The following CYP51A1 variants were observed in gnomAD, a reference collection of about 807,000 sequenced individuals.
The protein encoded by CYP51A1 is lanosterol 14-alpha demethylase.
CYP51A1 carries 45 observed loss-of-function variants against 53.5 expected under a neutral mutation model. That is an observed-to-expected ratio of 0.84 (90% CI 0.66 to 1.08). The LOEUF is 1.08. Ranked by LOEUF, CYP51A1 falls within the 50% of genes least tolerant of loss-of-function variation. The pLI, the probability that CYP51A1 is intolerant of heterozygous loss-of-function variation, is 0.00. For synonymous variants in CYP51A1, 181 were observed against 217.7 expected (o/e 0.83, Z 1.48); for missense variants, 462 against 621.7 (o/e 0.74, Z 2.73).
intron 5 of CYP51A1, among the ~76,000 whole-genome samples, chr7:92,125,267 AT>A (rs1325672517): frequency 3.3e-5 from 5 of 152,146 alleles, no homozygotes; most frequent in Non-Finnish European, 7.4e-5. Context: ...CTCCTTGCAA[AT>A]ATAAGGTATG....
chr7:92,113,970 C>A, intron 9 of CYP51A1, 127 bp from the exon 10 acceptor site: 1 of 597,204 alleles, frequency 1.7e-6, no homozygotes, highest in Non-Finnish European at 2.8e-6. Context: ...AGATGACATT[C>A]TTTTCACATA....
chr7:92,118,552 T>G lies in CYP51A1; in HGVS notation c.1150A>C (p.Met384Leu), dbSNP rs1285150928. The G allele has an allele frequency of 1.9e-6, 3 of 1,597,588 alleles. No individual in the cohort carries two copies. The highest frequency in any genetic ancestry group is 2.6e-6 in the Non-Finnish European group (3 of 1,166,084). ...KETLRLRPPI[M>L]IMMRMARTPQ... ...GTTCTGGCCATTCTCATCATGATCA[T>G]TATAGGAGGTCTAAGTCTTAATGTT... The change falls in exon 8 of 10, where the codon ATG (methionine) becomes CTG (leucine). Residue 384 changes from methionine to leucine, a missense_variant. By Grantham distance (15) the Met-to-Leu change is conservative (BLOSUM62 2). Transcript: ENST00000003100.
chr7:92,120,749 T>A (rs1034746938), intron 7 of CYP51A1, among the ~76,000 whole-genome samples: 1 of 151,958 alleles, frequency 6.6e-6, no homozygotes, highest in Non-Finnish European at 1.5e-5. Flanking sequence ...GATATGAAAC[T>A]ACAAAACACT....
intron 1 of CYP51A1, 110 bp from the exon 2 acceptor site, chr7:92,131,982 A>G (rs1819931211): frequency 3.6e-6 from 2 of 554,478 alleles, no homozygotes; most frequent in East Asian, 3.2e-5. Flanking sequence ...GACTTCAAAA[A>G]AAAGTTACCA....
intron 5 of CYP51A1, among the ~76,000 whole-genome samples, chr7:92,125,357 A>G (rs1242882180): frequency 6.6e-6 from 1 of 152,146 alleles, no homozygotes; most frequent in Non-Finnish European, 1.5e-5. Flanking sequence ...GTAACTAGAT[A>G]GAGGGGGCAG....
At chr7:92,126,932 A>T (rs1226564759) in intron 4 of CYP51A1, among the ~76,000 whole-genome samples, 1 of 152,224 alleles carries the variant, frequency 6.6e-6, no homozygotes, top group East Asian at 1.9e-4. Context: ...GCATAATTTG[A>T]TGACAACTAA....
intron 7 of CYP51A1, among the ~76,000 whole-genome samples, chr7:92,121,497 GTC>G (rs1174761732): frequency 6.6e-6 from 1 of 152,048 alleles, no homozygotes; most frequent in African/African-American, 2.4e-5. Context: ...GAAAACACAT[GTC>G]CACATAAAAT....
rs779777711 is a variant in CYP51A1 at position 92,123,756 on chromosome 7, T to C, written c.868A>G (p.Thr290Ala). ...TACTTGTATGTAGCATCTAGTAAAG[T>C]TTGGAGAATGTCATCAATTTTTTCT... is the stretch of plus-strand genomic sequence containing the variant. ...SQEKIDDILQ[T>A]LLDATYKDGR... The change falls in exon 6 of 10, where the codon ACT becomes GCT. Residue 290 changes from threonine (T) to alanine (A), a missense_variant. By Grantham distance (58) the Thr-to-Ala change is moderately conservative. Coordinates refer to ENST00000003100, the MANE Select transcript of CYP51A1 (RefSeq NM_000786.4). The C allele has an allele frequency of 6.2e-6, 10 of 1,608,574 alleles. No homozygotes were observed. In the Admixed American group the frequency reaches 1.7e-4, roughly 27 times the overall value.
intron 1 of CYP51A1, among the ~76,000 whole-genome samples, chr7:92,132,703 T>C (rs1819948545): frequency 6.6e-6 from 1 of 152,240 alleles, no homozygotes; most frequent in South Asian, 2.1e-4. Context: ...TACTTCTCAG[T>C]AAACAATCAA....
At position 92,113,627 on chromosome 7, in the gene CYP51A1, C is replaced by G; in HGVS notation, c.*38G>C. On this transcript the variant is annotated 3_prime_UTR_variant, in exon 10 of 10. Transcript: ENST00000003100. ...TCTCTTCGAATGCCTTTGTGGCTTA[C>G]AGTGATAATCACATATATTCGTTCC... The G allele has an allele frequency of 6.3e-7, 1 of 1,580,196 alleles. No individual in the cohort carries two copies. The highest frequency in any genetic ancestry group is 8.7e-7 in the Non-Finnish European group (1 of 1,154,752).
At chr7:92,115,849 T>C (rs1819570492) in intron 9 of CYP51A1, among the ~76,000 whole-genome samples, 1 of 152,192 alleles carries the variant, frequency 6.6e-6, no homozygotes, top group African/African-American at 2.4e-5. Context: ...TCATAAAAGG[T>C]AACTGAACAA....
At chr7:92,134,129 A>G (rs1351672786) in intron 1 of CYP51A1, 44 bp downstream of exon 1, 1 of 1,592,142 alleles carries the variant, frequency 6.3e-7, no homozygotes, top group Non-Finnish European at 8.6e-7. Context: ...CGGCCGCCTC[A>G]GCTGCGGCGC....
intron 1 of CYP51A1, among the ~76,000 whole-genome samples, chr7:92,132,088 C>T (rs922432863): frequency 6.6e-6 from 1 of 152,036 alleles, no homozygotes. Flanking sequence ...ACTCAAAACA[C>T]GGTATAAGAT....
chr7:92,123,291 A>T lies in CYP51A1; in HGVS notation c.915T>A (p.Asp305Glu). 6.2e-7 allele frequency: 1 copy of T among 1,613,808 alleles called. No homozygotes were observed. Among genetic ancestry groups the T allele is most frequent in the Non-Finnish European group, 8.5e-7 (1 of 1,179,832 alleles). Residue 305 changes from aspartate to glutamate, a missense_variant, in exon 7 of 10, where the codon GAT becomes GAA. Asp to Glu is a conservative substitution (Grantham distance 45, BLOSUM62 2). Transcript: ENST00000003100. Reference protein sequence around the residue: ...TYKDGRPLTDDEVAGMLIGLL... With the variant: ...TYKDGRPLTDEEVAGMLIGLL... ...ATCCAATAAGCATCCCTGCTACTTC[A>T]TCATCAGTCAAAGGACGCCCATCCC...
Position 92,127,497 on chromosome 7 carries a change from T to C in CYP51A1, c.595+8A>G. 6.2e-7 allele frequency: 1 copy of C among 1,605,330 alleles called. No homozygotes were observed. Among genetic ancestry groups the C allele is most frequent in the Non-Finnish European group, 8.5e-7 (1 of 1,177,368 alleles). On this transcript the variant is annotated splice_region_variant and intron_variant, in intron 4 of 9. Transcript: ENST00000003100. ...AATGTTAGGACAAACATAAAACATT[T>C]TGCTTACTTTTTTCTCCACTTTCTC... is the stretch of plus-strand genomic sequence containing the variant.
chr7:92,119,937 C>A (rs2130945536), intron 7 of CYP51A1, among the ~76,000 whole-genome samples: 1 of 151,916 alleles, frequency 6.6e-6, no homozygotes, highest in South Asian at 2.1e-4. Flanking sequence ...AATAGAAATT[C>A]AAGAACTGAG....
At chr7:92,131,214 G>C (rs1459269196) in intron 2 of CYP51A1, among the ~76,000 whole-genome samples, 1 of 152,194 alleles carries the variant, frequency 6.6e-6, no homozygotes, top group Admixed American at 6.5e-5. Context: ...CCAGGAGACG[G>C]TATGGTCTAC....
intron 7 of CYP51A1, among the ~76,000 whole-genome samples, chr7:92,120,233 G>T (rs996152804): frequency 2.0e-5 from 3 of 152,162 alleles, no homozygotes; most frequent in Admixed American, 6.5e-5. Context: ...ATCTCAGCTA[G>T]CTTCTTTGCA....
At chr7:92,134,562 T>C, upstream of CYP51A1, 1 of 584,418 alleles carries the variant, frequency 1.7e-6, no homozygotes, top group Non-Finnish European at 3.0e-6. Flanking sequence ...CCACGCCCCT[T>C]AAATAACACT....
Sources: allele counts gnomAD v4.1 joint callset (sites outside exome capture counted in the v4.1 genomes callset), GRCh38; gene constraint gnomAD v4.1.1; transcripts MANE v1.5; gene names NCBI Gene and HGNC (gene_info 2026-07-23, HGNC 2026-07-21).